Variants in RARB observed in about 807,000 individuals in gnomAD.
RARB encodes the protein HBV-activated protein.
In RARB, 17 loss-of-function variants were observed where a neutral mutation model predicts 51.9. That is an observed-to-expected ratio of 0.33 (90% CI 0.22 to 0.49). The LOEUF (loss-of-function observed/expected upper bound fraction) is 0.49. Ranked by LOEUF, RARB falls within the 20% of genes least tolerant of loss-of-function variation. The pLI is 0.99. For missense variants in RARB, 369 were observed against 550.8 expected (o/e 0.67, Z 3.30); for synonymous variants, 215 against 195.4 (o/e 1.10, Z -0.84).
chr3:25,399,698 G>T (rs540094498), intron 5 of RARB, among the ~76,000 whole-genome samples: 22 of 152,282 alleles, frequency 1.4e-4, no homozygotes, highest in Middle Eastern at 3.4e-3. Flanking sequence ...CATAGCTGCT[G>T]TGATGGAACT....
chr3:24,901,868 C>T (rs897650050), intron 2 of RARB, among the ~76,000 whole-genome samples: 1 of 152,034 alleles, frequency 6.6e-6, no homozygotes, highest in African/African-American at 2.4e-5. Context: ...ATACCAGGTG[C>T]TAAGCATTTA....
chr3:25,155,933 C>A (rs926402937), intron 4 of RARB, among the ~76,000 whole-genome samples: 2 of 152,190 alleles, frequency 1.3e-5, no homozygotes, highest in African/African-American at 4.8e-5. Context: ...AAACCCCCTC[C>A]ATTGAATTTC....
At chr3:24,842,732 C>G (rs989854564) in intron 1 of RARB, among the ~76,000 whole-genome samples, 1 of 152,202 alleles carries the variant, frequency 6.6e-6, no homozygotes, top group Admixed American at 6.5e-5. Context: ...TGTAAGGTTT[C>G]TGACACTCCT....
intron 4 of RARB, among the ~76,000 whole-genome samples, chr3:25,157,996 T>A (rs1163032658): frequency 6.6e-6 from 1 of 152,250 alleles, no homozygotes; most frequent in East Asian, 1.9e-4. Context: ...AGTGTGGTTA[T>A]CTTGACTTCA....
intron 5 of RARB, among the ~76,000 whole-genome samples, chr3:25,213,816 C>A (rs1387137059): frequency 6.6e-6 from 1 of 152,132 alleles, no homozygotes; most frequent in Non-Finnish European, 1.5e-5. Flanking sequence ...AGGGAGGGCA[C>A]CTTCCATAAT....
chr3:25,035,248 C>G (rs185251870), intron 2 of RARB, among the ~76,000 whole-genome samples: 1 of 151,864 alleles, frequency 6.6e-6, no homozygotes, highest in Non-Finnish European at 1.5e-5. Flanking sequence ...CAGCCTCCCA[C>G]GTAGCTGGGA....
At chr3:25,077,103 C>T (rs1266687966) in intron 3 of RARB, among the ~76,000 whole-genome samples, 4 of 152,176 alleles carry the variant, frequency 2.6e-5, no homozygotes, top group African/African-American at 9.7e-5. Context: ...ATTGGTCCTC[C>T]CCATATGGTC....
At chr3:25,248,724 G>C (rs576372610) in intron 5 of RARB, among the ~76,000 whole-genome samples, 2 of 152,052 alleles carry the variant, frequency 1.3e-5, no homozygotes, top group African/African-American at 2.4e-5. Context: ...TCCTTGGCTG[G>C]CAATTTTTTC....
intron 5 of RARB, among the ~76,000 whole-genome samples, chr3:25,389,622 A>G (rs1376127426): frequency 6.6e-6 from 1 of 152,154 alleles, no homozygotes; most frequent in East Asian, 1.9e-4. Flanking sequence ...TGTTGGGGGA[A>G]TGAGAAGCCT....
At chr3:24,891,582 A>G (rs993013601) in intron 2 of RARB, among the ~76,000 whole-genome samples, 1 of 152,202 alleles carries the variant, frequency 6.6e-6, no homozygotes, top group African/African-American at 2.4e-5. Context: ...TATAGTTAAT[A>G]TTTAATATTC....
At chr3:25,384,205 C>T (rs1158862068) in intron 5 of RARB, among the ~76,000 whole-genome samples, 1 of 152,162 alleles carries the variant, frequency 6.6e-6, no homozygotes, top group Non-Finnish European at 1.5e-5. Context: ...AGCCCCGCCC[C>T]ATTACTACAT....
At chr3:25,552,806 TA>T (rs1466316191) in intron 3 of RARB, among the ~76,000 whole-genome samples, 1 of 151,872 alleles carries the variant, frequency 6.6e-6, no homozygotes, top group Non-Finnish European at 1.5e-5. Flanking sequence ...GGTGTGGGAG[TA>T]GGAAGAAAAT....
chr3:25,325,515 A>C (rs1441927623), intron 5 of RARB, among the ~76,000 whole-genome samples: 1 of 152,072 alleles, frequency 6.6e-6, no homozygotes, highest in African/African-American at 2.4e-5. Context: ...ATCTGGCTCA[A>C]ACGCTCTGAC....
chr3:25,384,741 T>C (rs763922082), intron 5 of RARB, among the ~76,000 whole-genome samples: 39 of 152,348 alleles, frequency 2.6e-4, no homozygotes, highest in Non-Finnish European at 5.3e-4. Context: ...TTTATTTCAG[T>C]TGTCTACGAA....
chr3:25,390,139 T>A (rs1436796230), intron 5 of RARB, among the ~76,000 whole-genome samples: 1 of 152,098 alleles, frequency 6.6e-6, no homozygotes, highest in Non-Finnish European at 1.5e-5. Context: ...GGTGGGACTT[T>A]TAGGAGGTGT....
At position 24,890,696 on chromosome 3, in the gene RARB, A is replaced by G. The variant is rs1703361027; in HGVS notation, c.-380+31944A>G. 5.9e-5 allele frequency among the ~76,000 whole-genome samples: 9 copies of G among 152,226 alleles called. No homozygotes were observed. In the South Asian group the frequency reaches 1.9e-3, roughly 31 times the overall value. On this transcript the variant is annotated intron_variant, in intron 2 of 11. Transcript: ENST00000383772. ...TGAAGAAACCTGGCTGAATAGACAT[A>G]TGGAATGGTACAAGTAATATCTGGC...
At chr3:25,141,306 T>C (rs142635490) in intron 4 of RARB, among the ~76,000 whole-genome samples, 1 of 152,150 alleles carries the variant, frequency 6.6e-6, no homozygotes, top group Admixed American at 6.6e-5. Flanking sequence ...TTCAATATAC[T>C]AGATGAATAA....
At chr3:25,259,487 T>G (rs1246314113) in intron 5 of RARB, among the ~76,000 whole-genome samples, 5 of 152,188 alleles carry the variant, frequency 3.3e-5, no homozygotes, top group Non-Finnish European at 5.9e-5. Context: ...ACTAGCTGGA[T>G]GTCAATGTCC....
intron 5 of RARB, among the ~76,000 whole-genome samples, chr3:25,361,079 A>G (rs949389403): frequency 2.0e-5 from 3 of 152,146 alleles, no homozygotes; most frequent in African/African-American, 4.8e-5. Flanking sequence ...GTGTTTTCCA[A>G]TTTGATTTCA....
Sources: allele counts gnomAD v4.1 joint callset (sites outside exome capture counted in the v4.1 genomes callset), GRCh38; gene constraint gnomAD v4.1.1; transcripts MANE v1.5; gene names NCBI Gene and HGNC (gene_info 2026-07-23, HGNC 2026-07-21).